FRMD4A: variants seen among roughly 807,000 people sequenced by gnomAD.
FRMD4A encodes FERM domain containing 4A.
A neutral mutation model predicts 129.1 loss-of-function variants in FRMD4A; 29 were observed. The observed-to-expected ratio is 0.22, with a 90% CI of 0.17 to 0.31. The LOEUF (loss-of-function observed/expected upper bound fraction) is 0.31, where lower values mean the gene tolerates loss of function less well. FRMD4A is among the 10% of genes least tolerant of loss of function. FRMD4A has a pLI of 1.00. For synonymous variants in FRMD4A, 634 were observed against 571.6 expected (o/e 1.11, Z -1.56); for missense variants, 1,272 against 1,375.8 (o/e 0.92, Z 1.19).
intron 2 of FRMD4A, among the ~76,000 whole-genome samples, chr10:14,094,621 G>T (rs1836845315): frequency 6.6e-6 from 1 of 152,126 alleles, no homozygotes; most frequent in Non-Finnish European, 1.5e-5. Context: ...GGCTCCATGT[G>T]GCCCTGCTGG....
chr10:13,667,440 T>C (rs1032625290), intron 17 of FRMD4A: 1 of 148,066 alleles, frequency 6.8e-6, no homozygotes, highest in African/African-American at 2.5e-5. Context: ...TACGGATGGA[T>C]GAGATTCTCC....
chr10:13,656,156 A>T (rs1449251454), intron 22 of FRMD4A, among the ~76,000 whole-genome samples: 2 of 152,182 alleles, frequency 1.3e-5, no homozygotes, highest in African/African-American at 4.8e-5. Context: ...GGCACTGTTT[A>T]TTAGCCAGTC....
At chr10:13,799,883 A>T (rs541790847) in intron 4 of FRMD4A, among the ~76,000 whole-genome samples, 84 of 152,120 alleles carry the variant, frequency 5.5e-4, no homozygotes, top group African/African-American at 2.0e-3. Context: ...AGTTATTTTT[A>T]AAAAATATGA....
At chr10:14,210,754 G>A (rs1270597129) in intron 2 of FRMD4A, among the ~76,000 whole-genome samples, 1 of 152,160 alleles carries the variant, frequency 6.6e-6, no homozygotes, top group African/African-American at 2.4e-5. Flanking sequence ...TTGAGATGGA[G>A]TCTTGCTCTG....
At chr10:14,008,477 T>C (rs2095670263) in intron 2 of FRMD4A, 1 of 998,100 alleles carries the variant, frequency 1.0e-6, no homozygotes, top group East Asian at 9.9e-5. Context: ...TGTGGGCAAG[T>C]GACGCGTCTG....
At chr10:14,105,740 T>C (rs1837554912) in intron 2 of FRMD4A, among the ~76,000 whole-genome samples, 1 of 152,256 alleles carries the variant, frequency 6.6e-6, no homozygotes, top group South Asian at 2.1e-4. Context: ...ACTTTTAATC[T>C]ATAGATTTCC....
At position 13,670,418 on chromosome 10, in the gene FRMD4A, C is replaced by A; in HGVS notation, c.1362G>T (p.Leu454=). 1 of 1,613,314 alleles carries A rather than the reference C, an allele frequency of 6.2e-7. No homozygotes were observed. The highest frequency in any genetic ancestry group is 8.5e-7 in the Non-Finnish European group (1 of 1,179,496). ...TAFKLDEQKI[L]PKGEEAELER... ...AGGAAGGACGCACCTCTCCTTTGGG[C>A]AGGATTTTCTGTTCATCCAGTTTGA... is the stretch of plus-strand genomic sequence containing the variant. The change falls in exon 17 of 25, where the codon CTG becomes CTT. Residue 454 remains leucine (L), a synonymous_variant. Coordinates refer to ENST00000357447, the MANE Select transcript of FRMD4A (RefSeq NM_018027.5).
intron 6 of FRMD4A, among the ~76,000 whole-genome samples, chr10:13,768,490 TGAC>T (rs2092357359): frequency 6.6e-6 from 1 of 152,196 alleles, no homozygotes; most frequent in Admixed American, 6.5e-5. Flanking sequence ...AAAATGTAAT[TGAC>T]AACCATATAG....
At chr10:14,027,970 T>C (rs1833060258) in intron 2 of FRMD4A, among the ~76,000 whole-genome samples, 1 of 152,042 alleles carries the variant, frequency 6.6e-6, no homozygotes, top group African/African-American at 2.4e-5. Context: ...AGGGAGGAAG[T>C]AGAACCACAC....
chr10:14,309,732 C>T (rs1284495126), intron 2 of FRMD4A, among the ~76,000 whole-genome samples: 2 of 152,112 alleles, frequency 1.3e-5, no homozygotes, highest in Non-Finnish European at 2.9e-5. Flanking sequence ...CCGTATGCCT[C>T]CCTGAAGACT....
intron 3 of FRMD4A, among the ~76,000 whole-genome samples, chr10:13,829,788 A>G (rs2093760944): frequency 6.6e-6 from 1 of 152,196 alleles, no homozygotes; most frequent in African/African-American, 2.4e-5. Flanking sequence ...ATCTGTGGGA[A>G]TTCAGGAGAG....
At chr10:13,652,429 A>G (rs2081713761) in intron 23 of FRMD4A, 1 of 168,212 alleles carries the variant, frequency 5.9e-6, no homozygotes, top group South Asian at 1.6e-4. Flanking sequence ...CATGATTCAG[A>G]AAAGTTGGAA....
chr10:13,945,591 G>A (rs1241960206), intron 2 of FRMD4A, among the ~76,000 whole-genome samples: 3 of 152,008 alleles, frequency 2.0e-5, no homozygotes, highest in Non-Finnish European at 2.9e-5. Flanking sequence ...CATGGGCACC[G>A]CTGTCTGCAA....
intron 18 of FRMD4A, among the ~76,000 whole-genome samples, chr10:13,664,273 G>C (rs887738514): frequency 1.4e-4 from 21 of 152,192 alleles, no homozygotes; most frequent in African/African-American, 4.8e-4. Flanking sequence ...TCTAGTTCAA[G>C]TGGGTCCTTG....
At chr10:13,684,751 G>A in intron 15 of FRMD4A, 1 of 983,912 alleles carries the variant, frequency 1.0e-6, no homozygotes, top group Non-Finnish European at 1.2e-6. Flanking sequence ...ACAGAGAAGG[G>A]GTGCTTTCCT....
At chr10:14,328,044 G>GA (rs917451372) in intron 2 of FRMD4A, among the ~76,000 whole-genome samples, 2 of 151,618 alleles carry the variant, frequency 1.3e-5, no homozygotes, top group East Asian at 1.9e-4. Context: ...CCTTAAAAAG[G>GA]AAAAAAAATA....
chr10:13,865,173 C>T (rs74962080), intron 2 of FRMD4A, among the ~76,000 whole-genome samples: 2,507 of 152,118 alleles, frequency 0.016, 46 homozygotes, highest in Non-Finnish European at 0.019. Flanking sequence ...TGTTCCTTGT[C>T]TGTACAAGAG....
At chr10:14,256,600 A>T (rs1269999869) in intron 2 of FRMD4A, among the ~76,000 whole-genome samples, 1 of 152,224 alleles carries the variant, frequency 6.6e-6, no homozygotes, top group Non-Finnish European at 1.5e-5. Context: ...TGGCCCTAAC[A>T]TACATGCTTA....
intron 2 of FRMD4A, among the ~76,000 whole-genome samples, chr10:13,913,336 G>T (rs1295211559): frequency 6.6e-6 from 1 of 152,164 alleles, no homozygotes; most frequent in East Asian, 1.9e-4. Flanking sequence ...CTCTTTTTGG[G>T]GTGGTAAAGA....
Sources: allele counts gnomAD v4.1 joint callset (sites outside exome capture counted in the v4.1 genomes callset), GRCh38; gene constraint gnomAD v4.1.1; transcripts MANE v1.5; gene names NCBI Gene and HGNC (gene_info 2026-07-23, HGNC 2026-07-21).